PSAT1: variants seen among roughly 807,000 people sequenced by gnomAD.
PSAT1 encodes the protein phosphoserine aminotransferase 1.
In PSAT1, 41 loss-of-function variants were observed where a neutral mutation model predicts 40.3. That is an observed-to-expected ratio of 1.02 (90% CI 0.79 to 1.32). PSAT1 has a LOEUF of 1.32. Among genes scored for constraint, PSAT1 ranks in the 40% most tolerant of loss-of-function variants. The pLI is 0.00. For synonymous variants in PSAT1, 147 were observed against 170.5 expected, an observed-to-expected ratio of 0.86 and a Z score of 1.07; for missense variants, 406 against 455.8, an observed-to-expected ratio of 0.89 and a Z score of 0.99.
chr9:78,307,077 T>A (rs144616408), intron 5 of PSAT1, among the ~76,000 whole-genome samples: 1 of 152,256 alleles, frequency 6.6e-6, no homozygotes, highest in Admixed American at 6.5e-5. Flanking sequence ...TAACCATTTT[T>A]AAATATACTG....
At position 78,300,652 on chromosome 9, in the gene PSAT1, T is replaced by C. The variant is rs1305124163; in HGVS notation, c.111T>C (p.Ile37=). The part of the protein sequence containing the change: ...KELLDYKGVG[I]SVLEMSHRSS... ...TATTAGACTACAAAGGAGTTGGCAT[T>C]AGTGTTCTTGGTAAGATTTACTTTT... is the stretch of plus-strand genomic sequence containing the variant. Residue 37 remains isoleucine (I), a synonymous_variant, in exon 2 of 9, where the codon ATT becomes ATC. Coordinates refer to ENST00000376588, the MANE Select transcript of PSAT1 (RefSeq NM_058179.4). 2 of 1,608,708 alleles carry C rather than the reference T, an allele frequency of 1.2e-6. No individual in the cohort carries two copies. Among genetic ancestry groups the C allele is most frequent in the African/African-American group, 2.7e-5 (2 of 74,538 alleles).
chr9:78,313,108 G>A (rs952907748), intron 6 of PSAT1, among the ~76,000 whole-genome samples: 2 of 152,170 alleles, frequency 1.3e-5, no homozygotes, highest in Non-Finnish European at 2.9e-5. Context: ...GCTCACGCCT[G>A]TAATCCCAGC....
chr9:78,317,584 G>A (rs1828365677), intron 6 of PSAT1, 92 bp from the exon 7 acceptor site: 1 of 1,422,442 alleles, frequency 7.0e-7, no homozygotes, highest in African/African-American at 1.4e-5. Context: ...GTTTAAGTCT[G>A]TTTTAATGCA....
chr9:78,317,652 AT>A (rs780970054), intron 6 of PSAT1, 23 bp from the exon 7 acceptor site: 65 of 1,613,494 alleles, frequency 4.0e-5, no homozygotes, highest in Non-Finnish European at 4.9e-5. Context: ...AGCTAAACGG[AT>A]TTTTTAAAAA....
rs756899947 is a variant in PSAT1, at chr9:78,328,164, A to G, written c.983A>G (p.Asn328Ser). The G allele has an allele frequency of 3.7e-6, 6 of 1,613,948 alleles. No individual in the cohort carries two copies. The highest frequency in any genetic ancestry group is 1.1e-5 in the South Asian group (1 of 91,068). ...KRFLDKALELNMLSLKGHRSV... is the reference protein window; with the variant it reads ...KRFLDKALELSMLSLKGHRSV... ...TTTCTTGATAAAGCTCTTGAACTCA[A>G]TATGTTGTCCTTGAAAGGGCATAGG... The change falls in exon 8 of 9, where the codon AAT becomes AGT. Residue 328 changes from asparagine (N) to serine (S), a missense_variant. By Grantham distance (46) the Asn-to-Ser change is conservative. Transcript: ENST00000376588.
At chr9:78,302,733 C>CAAAAA (rs373285782) in intron 3 of PSAT1, among the ~76,000 whole-genome samples, 4 of 104,216 alleles carry the variant, frequency 3.8e-5, no homozygotes, top group Admixed American at 9.5e-5. Flanking sequence ...GACTCCGTCT[C>CAAAAA]AAAAAAAAAA....
chr9:78,310,901 G>A (rs1024500950), intron 6 of PSAT1, among the ~76,000 whole-genome samples: 7 of 151,862 alleles, frequency 4.6e-5, no homozygotes, highest in African/African-American at 1.2e-4. Flanking sequence ...AGCCACCGCC[G>A]GAATTTTTTT....
At chr9:78,313,226 C>T (rs996038895) in intron 6 of PSAT1, among the ~76,000 whole-genome samples, 4 of 152,012 alleles carry the variant, frequency 2.6e-5, no homozygotes, top group East Asian at 1.9e-4. Context: ...ATTACCCGGG[C>T]GTAGTGGCGT....
chr9:78,308,328 G>A (rs919041676), intron 5 of PSAT1, 86 bp from the exon 6 acceptor site: 4 of 1,464,586 alleles, frequency 2.7e-6, no homozygotes, highest in South Asian at 2.3e-5. Context: ...TAAAAAAATT[G>A]TGCTTCGGGA....
intron 6 of PSAT1, among the ~76,000 whole-genome samples, chr9:78,313,020 A>T (rs1828290004): frequency 1.3e-5 from 2 of 152,152 alleles, no homozygotes; most frequent in Admixed American, 1.3e-4. Flanking sequence ...TCCTTTTCTA[A>T]GCCCTGGTGC....
intron 7 of PSAT1, among the ~76,000 whole-genome samples, chr9:78,324,257 T>C (rs867376): frequency 0.75 from 114,755 of 152,042 alleles, 43,412 homozygotes; most frequent in Middle Eastern, 0.82. Context: ...AGTGAGGAGG[T>C]CTGCCTAGCT....
rs193000148 is a variant in PSAT1, at chr9:78,299,555, G to T, written c.61-1047G>T. On this transcript the variant is annotated intron_variant, in intron 1 of 8. Transcript: ENST00000376588. Reference sequence around the variant, plus strand: ...TTTGAGAGAAGTCAAGCTCTGTCACGAGGCTGGAGTGCAGTCGCTTGGTCT... The same window carrying T: ...TTTGAGAGAAGTCAAGCTCTGTCACTAGGCTGGAGTGCAGTCGCTTGGTCT... 4.3e-3 allele frequency among the ~76,000 whole-genome samples: 541 copies of T among 124,544 alleles called. 4 individuals carry two copies. Among genetic ancestry groups the T allele is most frequent in the African/African-American group, 0.015 (503 of 32,604 alleles). 81.7% of individuals were successfully genotyped at this position (124,544 alleles called of 152,430 possible).
intron 6 of PSAT1, 81 bp from the exon 7 acceptor site, chr9:78,317,595 C>T (rs1381243839): frequency 1.3e-5 from 20 of 1,491,466 alleles, no homozygotes; most frequent in Admixed American, 3.3e-5. Context: ...TTTTAATGCA[C>T]CTTCAACAGC....
At position 78,329,444 on chromosome 9, in the gene PSAT1, C is replaced by T. The variant is rs1362454793; in HGVS notation, c.*358C>T. 2.9e-6 allele frequency: 1 copy of T among 342,862 alleles called. No homozygotes were observed. The highest frequency in any genetic ancestry group is 5.6e-6 in the Non-Finnish European group (1 of 178,040). The allele number at this position is 342,862 out of a possible 1,614,324, so 21.2% of individuals were successfully genotyped here. On this transcript the variant is annotated 3_prime_UTR_variant, in exon 9 of 9. Transcript: ENST00000376588. Reference sequence around the variant, plus strand: ...TTTCTGGAGTCATGGGAACACACAGCACAGAGGGTAGGGGGGCCCTCTAGG... The same window carrying T: ...TTTCTGGAGTCATGGGAACACACAGTACAGAGGGTAGGGGGGCCCTCTAGG...
intron 7 of PSAT1, among the ~76,000 whole-genome samples, chr9:78,326,955 A>ATATATATATTTTTTTTTTTT: frequency 5.3e-5 from 4 of 75,964 alleles, no homozygotes; most frequent in African/African-American, 3.8e-4. Context: ...ATATATATAT[A>ATATATATATTTTTTTTTTTT]TTTTTTTTTT....
intron 1 of PSAT1, chr9:78,298,504 A>G (rs992105641): frequency 1.1e-6 from 1 of 892,124 alleles, no homozygotes; most frequent in Non-Finnish European, 1.3e-6. Flanking sequence ...CAGTGGTTAC[A>G]GTTCATTTTA....
chr9:78,321,321 G>A (rs1462793012), intron 7 of PSAT1, among the ~76,000 whole-genome samples: 2 of 152,166 alleles, frequency 1.3e-5, no homozygotes, highest in East Asian at 3.8e-4. Context: ...AGAGGAGGCT[G>A]TACTCTGTCT....
At chr9:78,324,460 C>T (rs902409821) in intron 7 of PSAT1, among the ~76,000 whole-genome samples, 1 of 152,148 alleles carries the variant, frequency 6.6e-6, no homozygotes, top group Non-Finnish European at 1.5e-5. Context: ...CCCACATAGC[C>T]TCTCAGTCTG....
At chr9:78,303,223 A>ATTTCTG (rs1388401593) in intron 3 of PSAT1, among the ~76,000 whole-genome samples, 1 of 152,218 alleles carries the variant, frequency 6.6e-6, no homozygotes, top group Non-Finnish European at 1.5e-5. Context: ...GCTTGATAAA[A>ATTTCTG]TGATTCAGAT....
Sources: allele counts gnomAD v4.1 joint callset (sites outside exome capture counted in the v4.1 genomes callset), GRCh38; gene constraint gnomAD v4.1.1; transcripts MANE v1.5; gene names NCBI Gene and HGNC (gene_info 2026-07-23, HGNC 2026-07-21).